The following SANBR variants were observed in gnomAD, a reference collection of about 807,000 sequenced individuals.
The protein encoded by SANBR is SANT and BTB domain regulator of CSR, also known as SANT and BTB domain regulator of class switch recombination.
Under a neutral mutation model 101.8 loss-of-function variants are expected in SANBR, and 77 were observed. The ratio of observed to expected loss-of-function variants is 0.76; its 90% CI spans 0.63 to 0.91. The LOEUF is 0.91. Among genes scored for constraint, SANBR ranks in the 40% least tolerant of loss-of-function variants. The probability of loss-of-function intolerance (pLI) is 0.00; values close to 1 mark genes in which losing one functional copy is unlikely to be tolerated. For synonymous variants in SANBR, 279 were observed against 274.7 expected (o/e 1.02, Z -0.15); for missense variants, 875 against 853.0 (o/e 1.03, Z -0.32).
chr2:61,075,899 T>A (rs554230277), intron 5 of SANBR, among the ~76,000 whole-genome samples: 1 of 152,192 alleles, frequency 6.6e-6, no homozygotes, highest in East Asian at 1.9e-4. Flanking sequence ...CCCATAACTG[T>A]GTAAAAGTGC....
chr2:61,119,522 A>G (rs1203871731), intron 20 of SANBR, among the ~76,000 whole-genome samples: 2 of 152,252 alleles, frequency 1.3e-5, no homozygotes, highest in Non-Finnish European at 2.9e-5. Flanking sequence ...AAACTCAATA[A>G]TAAAATTTAA....
chr2:61,103,639 A>T (rs1480667316), intron 12 of SANBR, among the ~76,000 whole-genome samples: 1 of 152,200 alleles, frequency 6.6e-6, no homozygotes, highest in Admixed American at 6.5e-5. Flanking sequence ...TCTAATTCTT[A>T]ATGTGGATTG....
At chr2:61,084,886 TTG>T (rs1391074112) in intron 8 of SANBR, among the ~76,000 whole-genome samples, 2 of 152,044 alleles carry the variant, frequency 1.3e-5, no homozygotes, top group Admixed American at 6.6e-5. Flanking sequence ...GTTGTTAGAT[TTG>T]ACAGATTTAT....
downstream of SANBR, among the ~76,000 whole-genome samples, chr2:61,124,437 C>T (rs544529581): frequency 1.6e-3 from 242 of 152,220 alleles, no homozygotes; most frequent in African/African-American, 5.5e-3. Flanking sequence ...CAGTGGCTTA[C>T]GTCTGCAATC....
chr2:61,106,416 G>T, intron 13 of SANBR, 147 bp from the exon 14 acceptor site: 3 of 330,056 alleles, frequency 9.1e-6, no homozygotes, highest in Non-Finnish European at 1.1e-5. Context: ...AAAAAAAAAG[G>T]AAATGTCATT....
downstream of SANBR, among the ~76,000 whole-genome samples, chr2:61,128,915 T>TCACACCACTGCACTC (rs1359306854): frequency 6.6e-6 from 1 of 151,924 alleles, no homozygotes; most frequent in Non-Finnish European, 1.5e-5. Flanking sequence ...TGAGTTATAA[T>TCACACCACTGCACTC]CACACCACTG....
rs758887249 is a variant in SANBR at position 61,071,630 on chromosome 2, A to G, written c.175A>G (p.Lys59Glu). The G allele has an allele frequency of 2.5e-6, 4 of 1,569,120 alleles. No homozygotes were observed. The Admixed American group carries it at 8.5e-5, about 33-fold the overall frequency. The change falls in exon 4 of 22, where the codon AAG (lysine) becomes GAG (glutamate). Residue 59 changes from lysine (K) to glutamate (E), a missense_variant. Lys to Glu is a moderately conservative substitution (Grantham distance 56). Transcript: ENST00000402291. Reference protein sequence around the residue: ...KECAKRFDELKSSGSSPVDNQ... With the variant: ...KECAKRFDELESSGSSPVDNQ... Reference sequence around the variant, plus strand: ...GTGTGCAAAAAGGTTTGATGAATTAAAGAGCAGTGGAAGCTCGCCTGTTGA... The same window carrying G: ...GTGTGCAAAAAGGTTTGATGAATTAGAGAGCAGTGGAAGCTCGCCTGTTGA...
At chr2:61,113,794 G>A (rs1683946537) in intron 16 of SANBR, among the ~76,000 whole-genome samples, 1 of 152,146 alleles carries the variant, frequency 6.6e-6, no homozygotes, top group African/African-American at 2.4e-5. Flanking sequence ...TAGAAGTGGT[G>A]AAAACAGACA....
intron 21 of SANBR, among the ~76,000 whole-genome samples, chr2:61,136,382 C>T (rs1158806443): frequency 1.3e-5 from 2 of 151,778 alleles, no homozygotes; most frequent in Non-Finnish European, 2.9e-5. Flanking sequence ...CGCCTGTAAT[C>T]CTAGCAGTTT....
At chr2:61,095,651 C>G (rs555411867) in intron 11 of SANBR, among the ~76,000 whole-genome samples, 1 of 152,090 alleles carries the variant, frequency 6.6e-6, no homozygotes, top group Non-Finnish European at 1.5e-5. Flanking sequence ...CTCAGAGTCC[C>G]TCTCCTCCCC....
intron 12 of SANBR, among the ~76,000 whole-genome samples, chr2:61,103,590 G>A (rs1226595451): frequency 2.0e-5 from 3 of 152,186 alleles, no homozygotes; most frequent in Admixed American, 2.0e-4. Flanking sequence ...GTTATGATCA[G>A]AATTGGGCCT....
At chr2:61,134,115 G>A in intron 20 of SANBR, 1 of 1,613,908 alleles carries the variant, frequency 6.2e-7, no homozygotes, top group Non-Finnish European at 8.5e-7. Flanking sequence ...ATAGGGTAGT[G>A]TTATTATCTG....
chr2:61,088,204 C>A lies in SANBR; in HGVS notation c.936C>A (p.Tyr312Ter). 1.9e-6 allele frequency: 3 copies of A among 1,609,072 alleles called. No individual in the cohort carries two copies. The highest frequency in any genetic ancestry group is 2.5e-6 in the Non-Finnish European group (3 of 1,178,492). The part of the protein sequence containing the change: ...KKIERLFDPE[Y>*]LNPDSRSNAA... ...TTGAAAGACTGTTTGATCCTGAGTA[C>A]TTGAATCCAGATTCTCGGAGTAATG... Residue 312 changes from tyrosine to a stop codon, truncating the protein, a stop_gained, in exon 9 of 22, where the codon TAC becomes TAA. Transcript: ENST00000402291. LOFTEE classifies it high-confidence loss of function.
chr2:61,129,475 G>C (rs1430274287), intron 20 of SANBR, among the ~76,000 whole-genome samples: 1 of 151,460 alleles, frequency 6.6e-6, no homozygotes, highest in African/African-American at 2.4e-5. Flanking sequence ...AAGTTATTGA[G>C]GCTGAAACAA....
chr2:61,115,212 C>T (rs1263286958), intron 16 of SANBR, among the ~76,000 whole-genome samples: 1 of 152,008 alleles, frequency 6.6e-6, no homozygotes, highest in African/African-American at 2.4e-5. Flanking sequence ...AATTCACTTT[C>T]ATTAGTTAAT....
At chr2:61,135,114 C>A (rs767089910) in intron 21 of SANBR, among the ~76,000 whole-genome samples, 1 of 152,186 alleles carries the variant, frequency 6.6e-6, no homozygotes, top group Admixed American at 6.5e-5. Context: ...CTCCTGAACT[C>A]GGGAAGGCGG....
intron 13 of SANBR, among the ~76,000 whole-genome samples, chr2:61,105,326 ACTG>A (rs754017825): frequency 1.4e-3 from 217 of 151,884 alleles, no homozygotes; most frequent in Non-Finnish European, 2.3e-3. Context: ...AGATTGTGCC[ACTG>A]CATTCCAGCC....
chr2:61,076,116 C>T (rs1440629594), intron 5 of SANBR, among the ~76,000 whole-genome samples: 1 of 151,408 alleles, frequency 6.6e-6, no homozygotes, highest in Non-Finnish European at 1.5e-5. Context: ...GCCTCAGCCT[C>T]CTAGGTAGCT....
chr2:61,102,365 CAAAAAAAAA>C (rs35795015), intron 12 of SANBR, among the ~76,000 whole-genome samples: 1 of 59,444 alleles, frequency 1.7e-5, no homozygotes, highest in African/African-American at 6.4e-5. Context: ...GACTGTGTCT[CAAAAAAAAA>C]AAAAAAAAAA....
Sources: gnomAD v4.1 joint callset for allele counts (sites outside exome capture counted in the v4.1 genomes callset) on GRCh38, gnomAD v4.1.1 for gene constraint, MANE v1.5 for transcripts, NCBI Gene and HGNC (gene_info 2026-07-23, HGNC 2026-07-21) for gene names.